FAT3: variants seen among roughly 807,000 people sequenced by gnomAD.
FAT3 encodes the protein FAT atypical cadherin 3.
In FAT3, 95 loss-of-function variants were observed where a neutral mutation model predicts 310.2. The ratio of observed to expected loss-of-function variants is 0.31; its 90% CI spans 0.26 to 0.36. The LOEUF (loss-of-function observed/expected upper bound fraction) is 0.36. Among genes scored for constraint, FAT3 ranks in the 10% least tolerant of loss-of-function variants. FAT3 has a pLI of 1.00. For missense variants in FAT3, 5,408 were observed against 5,715.6 expected, an observed-to-expected ratio of 0.95 and a Z score of 1.74; for synonymous variants, 2,314 against 2,192.9, an observed-to-expected ratio of 1.06 and a Z score of -1.54.
chr11:92,431,578 T>C (rs1306567844), intron 2 of FAT3, among the ~76,000 whole-genome samples: 1 of 152,170 alleles, frequency 6.6e-6, no homozygotes, highest in Non-Finnish European at 1.5e-5. Flanking sequence ...AGACATGAAG[T>C]CCTTGCCCAT....
chr11:92,469,661 C>T (rs1293498788), intron 2 of FAT3, among the ~76,000 whole-genome samples: 3 of 151,078 alleles, frequency 2.0e-5, no homozygotes, highest in Non-Finnish European at 3.0e-5. Context: ...ATTACAGGCA[C>T]CTGCCACCAT....
At chr11:92,241,309 T>A (rs1409396672) in intron 1 of FAT3, among the ~76,000 whole-genome samples, 3 of 152,102 alleles carry the variant, frequency 2.0e-5, no homozygotes, top group Admixed American at 6.6e-5. Flanking sequence ...CAACTCTCTT[T>A]TGCTTCTTAG....
At chr11:92,531,705 G>A (rs1275932801) in intron 3 of FAT3, among the ~76,000 whole-genome samples, 1 of 151,970 alleles carries the variant, frequency 6.6e-6, no homozygotes, top group Admixed American at 6.6e-5. Flanking sequence ...GCATTGTGTA[G>A]CTGCTGTTGG....
chr11:92,801,129 C>G lies in FAT3; in HGVS notation c.8116C>G (p.Pro2706Ala). ...IHVLPPETFL[P>A]SFTQSQYSFT... ...CGTCTTGCCCCCTGAAACGTTCTTGCCATCATTCACCCAGTCTCAGTATTC... is the reference window on the plus strand; with the variant it reads ...CGTCTTGCCCCCTGAAACGTTCTTGGCATCATTCACCCAGTCTCAGTATTC... The change falls in exon 10 of 28, where the codon CCA (proline) becomes GCA (alanine). Residue 2706 changes from proline (P) to alanine (A), a missense_variant. Around this residue, in one of 5 missense-constraint regions of FAT3, gnomAD observed 4,588 missense variants for 4,809.8 expected, o/e 0.95. Transcript: ENST00000525166. The G allele has an allele frequency of 6.2e-7, 1 of 1,613,960 alleles. No homozygotes were observed. Among genetic ancestry groups the G allele is most frequent in the Non-Finnish European group, 8.5e-7 (1 of 1,179,874 alleles).
chr11:92,802,985 G>A (rs1464610354), intron 10 of FAT3, among the ~76,000 whole-genome samples: 1 of 151,774 alleles, frequency 6.6e-6, no homozygotes, highest in Non-Finnish European at 1.5e-5. Context: ...TGTTCTCTTG[G>A]TGAAGTTTTC....
At position 92,709,386 on chromosome 11, in the gene FAT3, T is replaced by C. The variant is rs532020056; in HGVS notation, c.3669+11941T>C. Among the ~76,000 whole-genome samples the C allele has an allele frequency of 1.6e-4, 24 of 152,324 alleles. No individual in the cohort carries two copies. The South Asian group carries it at 5.0e-3, about 32-fold the overall frequency. On this transcript the variant is annotated intron_variant, in intron 4 of 27. Coordinates refer to ENST00000525166, the MANE Select transcript of FAT3 (RefSeq NM_001367949.2). ...TAATATTCAGCAGCAGATATCATCA[T>C]TTGAAAATCATTGCCCTGGGTAGTT...
chr11:92,793,091 CT>C lies in FAT3; in HGVS notation c.4822+120del, dbSNP rs1052296032. ...TAACAGTGGAACATCTCTAAATGAA[CT>C]TTTTTGGCCAAGCCGCTGTCCTATT... On this transcript the variant is annotated intron_variant, in intron 9 of 27. Coordinates refer to ENST00000525166, the MANE Select transcript of FAT3 (RefSeq NM_001367949.2). 1.7e-5 allele frequency: 19 copies of C among 1,106,094 alleles called. No homozygotes were observed. The African/African-American group carries it at 2.7e-4, about 16-fold the overall frequency. The allele number at this position is 1,106,094 out of a possible 1,614,324, so 68.5% of individuals were successfully genotyped here.
intron 1 of FAT3, among the ~76,000 whole-genome samples, chr11:92,274,341 A>C (rs1320682393): frequency 6.6e-6 from 1 of 152,096 alleles, no homozygotes; most frequent in Non-Finnish European, 1.5e-5. Flanking sequence ...CTTCATTTAA[A>C]AATTTCTAGT....
At chr11:92,581,689 A>G (rs1437830239) in intron 3 of FAT3, among the ~76,000 whole-genome samples, 5 of 152,078 alleles carry the variant, frequency 3.3e-5, no homozygotes. Context: ...CTTATTTGCC[A>G]TTGCACCTTG....
chr11:92,561,240 CCTT>C (rs1049901424), intron 3 of FAT3, among the ~76,000 whole-genome samples: 4 of 145,480 alleles, frequency 2.7e-5, no homozygotes, highest in African/African-American at 1.0e-4. Context: ...TCTCTCAGAT[CCTT>C]CTACTTCGTG....
At chr11:92,704,608 T>C (rs568329510) in intron 4 of FAT3, among the ~76,000 whole-genome samples, 2 of 152,250 alleles carry the variant, frequency 1.3e-5, no homozygotes, top group Admixed American at 6.5e-5. Context: ...GACACAGATA[T>C]GTACAGAGGG....
At chr11:92,583,272 A>G (rs1203220248) in intron 3 of FAT3, among the ~76,000 whole-genome samples, 1 of 152,052 alleles carries the variant, frequency 6.6e-6, no homozygotes, top group Non-Finnish European at 1.5e-5. Flanking sequence ...GAAGAAGAAC[A>G]GGACGAAAGT....
At chr11:92,565,349 T>G in intron 3 of FAT3, among the ~76,000 whole-genome samples, 1 of 134,816 alleles carries the variant, frequency 7.4e-6, no homozygotes, top group Non-Finnish European at 1.6e-5. Context: ...AGAAGTTGCA[T>G]CTCTGAATAG....
rs958627705 is a variant in FAT3, at chr11:92,282,663, A to C, written c.-18+57489A>C. ...GAAACTCTATCTCAAAAAATAAAAA[A>C]AAAAAAAAAGGATGTTGTAAATCAC... On this transcript the variant is annotated intron_variant, in intron 1 of 27. Coordinates refer to ENST00000525166, the MANE Select transcript of FAT3 (RefSeq NM_001367949.2). Among the ~76,000 whole-genome samples, 1,336 of 152,166 alleles carry C rather than the reference A, an allele frequency of 8.8e-3. 10 individuals are homozygous for C. The highest frequency in any genetic ancestry group is 0.03 in the African/African-American group (1,260 of 41,522).
rs539112924 is a variant in FAT3 at position 92,677,733 on chromosome 11, G to T, written c.3608-19651G>T. On this transcript the variant is annotated intron_variant, in intron 3 of 27. Transcript: ENST00000525166. Reference sequence around the variant, plus strand: ...CCTTTTGTAATGTTACTGATGGAAGGTCTTGACTGCTGATCGTCCAGGTTA... The same window carrying T: ...CCTTTTGTAATGTTACTGATGGAAGTTCTTGACTGCTGATCGTCCAGGTTA... Among the ~76,000 whole-genome samples, 3 of 152,274 alleles carry T rather than the reference G, an allele frequency of 2.0e-5. No homozygotes were observed. The South Asian group carries it at 6.2e-4, about 32-fold the overall frequency.
chr11:92,430,936 G>A (rs1950754648), intron 2 of FAT3, among the ~76,000 whole-genome samples: 1 of 152,174 alleles, frequency 6.6e-6, no homozygotes, highest in Non-Finnish European at 1.5e-5. Flanking sequence ...TTGGTTCCAA[G>A]TCTTTGCTTT....
At position 92,883,692 on chromosome 11, in the gene FAT3, A is replaced by T. The variant is rs1409183710; in HGVS notation, c.12937+299A>T. Among the ~76,000 whole-genome samples the T allele has an allele frequency of 6.6e-6, 1 of 152,190 alleles. No individual in the cohort carries two copies. The highest frequency in any genetic ancestry group is 1.5e-5 in the Non-Finnish European group (1 of 68,028). ...AGGCTCCAAAACCCATCCTCTTCTC[A>T]CAATAGCGGGCCACTGGTCAAAGTG... On this transcript the variant is annotated intron_variant, in intron 24 of 27. Coordinates refer to ENST00000525166, the MANE Select transcript of FAT3 (RefSeq NM_001367949.2). The surrounding 1 kb of genome is among the most constrained non-coding windows in gnomAD (Gnocchi z 4.2).
At chr11:92,313,703 G>C (rs1038490190) in intron 1 of FAT3, among the ~76,000 whole-genome samples, 4 of 152,156 alleles carry the variant, frequency 2.6e-5, no homozygotes, top group Non-Finnish European at 5.9e-5. Context: ...TGGATTACAG[G>C]CATGCGCCAA....
Position 92,352,075 on chromosome 11 carries a change from C to A in FAT3, c.-17-21C>A, listed in dbSNP as rs768197427. 2.4e-6 allele frequency: 3 copies of A among 1,238,010 alleles called. No homozygotes were observed. The South Asian group carries it at 4.7e-5, about 19-fold the overall frequency. 76.7% of individuals were successfully genotyped at this position (1,238,010 alleles called of 1,614,324 possible). A position where few individuals can be genotyped will look rare whatever the true frequency, so the allele number is the denominator to read the frequency against. On this transcript the variant is annotated intron_variant, in intron 1 of 27. Coordinates refer to ENST00000525166, the MANE Select transcript of FAT3 (RefSeq NM_001367949.2). ...CTAGGATGGTTAATTTATCTTTTCT[C>A]TCTCTCTTTCTTCCCTCCAGGATGG...
Sources: gnomAD v4.1 joint callset for allele counts (sites outside exome capture counted in the v4.1 genomes callset) on GRCh38, gnomAD v4.1.1 for gene constraint, gnomAD v4.1.1 regional missense constraint, Gnocchi (gnomAD v3.1) non-coding constraint, MANE v1.5 for transcripts, NCBI Gene and HGNC (gene_info 2026-07-23, HGNC 2026-07-21) for gene names.